Variants in CDK19 observed in about 807,000 individuals in gnomAD.
The protein encoded by CDK19 is cyclin dependent kinase 19, also known as cyclin-dependent kinase 19.
CDK19 carries 20 observed loss-of-function variants against 68.3 expected under a neutral mutation model. The observed-to-expected ratio is 0.29, with a 90% CI of 0.21 to 0.43. The LOEUF is 0.43. Among genes scored for constraint, CDK19 ranks in the 20% least tolerant of loss-of-function variants. CDK19 has a pLI of 1.00. For synonymous variants in CDK19, 221 were observed against 222.8 expected (o/e 0.99, Z 0.07); for missense variants, 339 against 623.5 (o/e 0.54, Z 4.86).
At chr6:110,695,685 T>C (rs1487195156) in intron 2 of CDK19, among the ~76,000 whole-genome samples, 2 of 151,896 alleles carry the variant, frequency 1.3e-5, no homozygotes, top group Non-Finnish European at 2.9e-5. Flanking sequence ...ACCACAGAAA[T>C]ACAAAAGATT....
chr6:110,718,569 T>C (rs973092364), intron 2 of CDK19, among the ~76,000 whole-genome samples: 4 of 151,080 alleles, frequency 2.6e-5, no homozygotes, highest in African/African-American at 7.3e-5. Flanking sequence ...GGCAAGACTA[T>C]TACACTGATG....
intron 2 of CDK19, among the ~76,000 whole-genome samples, chr6:110,697,577 C>T (rs1401167858): frequency 6.6e-6 from 1 of 151,228 alleles, no homozygotes; most frequent in Non-Finnish European, 1.5e-5. Flanking sequence ...TGTAGATGAC[C>T]ATATTGCCAA....
chr6:110,645,758 G>A (rs2114820354), intron 4 of CDK19: 2 of 551,868 alleles, frequency 3.6e-6, no homozygotes, highest in South Asian at 1.7e-5. Flanking sequence ...GTAATGCATG[G>A]ACAATGAGCG....
chr6:110,778,160 T>A (rs1013325315), intron 1 of CDK19, among the ~76,000 whole-genome samples: 1 of 152,076 alleles, frequency 6.6e-6, no homozygotes, highest in Non-Finnish European at 1.5e-5. Context: ...TCACAATTTT[T>A]AAAAAAGTAA....
chr6:110,640,231 C>CAAA (rs59703376), intron 4 of CDK19, among the ~76,000 whole-genome samples: 132 of 80,346 alleles, frequency 1.6e-3, no homozygotes, highest in Non-Finnish European at 2.2e-3. Flanking sequence ...GACCCTGTCA[C>CAAA]AAAAAAAAAA....
rs933981141 is a variant in CDK19 at position 110,809,248 on chromosome 6, C to T, written c.128+5761G>A. Among the ~76,000 whole-genome samples, 6 of 151,250 alleles carry T rather than the reference C, an allele frequency of 4.0e-5. No homozygotes were observed. In the East Asian group the frequency reaches 7.7e-4, roughly 20 times the overall value. ...AAAAGAAATGGGCCAGGCACAGTGACTCATGTCTGTAATCCCAGCACTTTG... is the reference window on the plus strand; with the variant it reads ...AAAAGAAATGGGCCAGGCACAGTGATTCATGTCTGTAATCCCAGCACTTTG... On this transcript the variant is annotated intron_variant, in intron 1 of 12. Transcript: ENST00000368911.
intron 2 of CDK19, among the ~76,000 whole-genome samples, chr6:110,698,237 G>T (rs1773659187): frequency 6.6e-6 from 1 of 151,920 alleles, no homozygotes; most frequent in Non-Finnish European, 1.5e-5. Context: ...CAGAATGGGA[G>T]AAAATATTTG....
At chr6:110,704,255 G>C (rs1230238450) in intron 2 of CDK19, among the ~76,000 whole-genome samples, 2 of 152,164 alleles carry the variant, frequency 1.3e-5, no homozygotes, top group Non-Finnish European at 2.9e-5. Context: ...GAAATCAAAA[G>C]ACTTTATTTT....
intron 2 of CDK19, among the ~76,000 whole-genome samples, chr6:110,722,057 TTTTAGA>T (rs1272697871): frequency 9.2e-5 from 14 of 152,212 alleles, no homozygotes; most frequent in African/African-American, 2.7e-4. Flanking sequence ...TGTAGGATTT[TTTTAGA>T]TTTAAACTAG....
At chr6:110,646,045 C>T in intron 4 of CDK19, 1 of 917,838 alleles carries the variant, frequency 1.1e-6, no homozygotes, top group Non-Finnish European at 1.7e-6. Flanking sequence ...ATCTACGAAG[C>T]TATCCCTTTG....
chr6:110,621,196 A>C lies in CDK19; in HGVS notation c.1285T>G (p.Ser429Ala). Residue 429 changes from serine (S) to alanine (A), a missense_variant, in exon 12 of 13, where the codon TCC (serine) becomes GCC (alanine). By Grantham distance (99) the Ser-to-Ala change is moderately conservative (BLOSUM62 1). Transcript: ENST00000368911. This position sits in a 1 kb window ranked among gnomAD's most constrained non-coding sequence, Gnocchi z 5.4. ...TTTGGAGGCACCTGGTTCAGGCTGGAGTCCTGGCTGTGCTGCAACCCTGCT... is the reference window on the plus strand; with the variant it reads ...TTTGGAGGCACCTGGTTCAGGCTGGCGTCCTGGCTGTGCTGCAACCCTGCT... ...TGAGLQHSQDSSLNQVPPNKK... is the reference protein window; with the variant it reads ...TGAGLQHSQDASLNQVPPNKK... 6.2e-7 allele frequency: 1 copy of C among 1,614,032 alleles called. No homozygotes were observed. The highest frequency in any genetic ancestry group is 8.5e-7 in the Non-Finnish European group (1 of 1,180,018).
intron 5 of CDK19, among the ~76,000 whole-genome samples, chr6:110,633,438 A>C (rs923583895): frequency 1.8e-4 from 27 of 152,218 alleles, no homozygotes; most frequent in African/African-American, 6.5e-4. Context: ...AAAACAGCAA[A>C]TGCTACAAAT....
chr6:110,622,242 C>G, intron 10 of CDK19, 76 bp from the exon 11 acceptor site: 1 of 1,064,690 alleles, frequency 9.4e-7, no homozygotes, highest in Non-Finnish European at 1.4e-6. Flanking sequence ...TTTAAAATTC[C>G]AATTTGTTTT....
intron 4 of CDK19, among the ~76,000 whole-genome samples, chr6:110,664,651 A>G (rs1781810658): frequency 6.6e-6 from 1 of 152,224 alleles, no homozygotes; most frequent in Non-Finnish European, 1.5e-5. Flanking sequence ...GTACAGGGGC[A>G]GTAGTGTACA....
chr6:110,790,082 C>T (rs1265730367), intron 1 of CDK19, among the ~76,000 whole-genome samples: 1 of 152,110 alleles, frequency 6.6e-6, no homozygotes, highest in Non-Finnish European at 1.5e-5. Context: ...GATGCTGAAA[C>T]ATATTATGTG....
At position 110,734,520 on chromosome 6, in the gene CDK19, G is replaced by GCTCTCTCTCTCTCTCCCTCTCTCTCTCT. The variant is rs1777055472; in HGVS notation, c.204+11605_204+11606insAGAGAGAGAGAGGGAGAGAGAGAGAGAG. On this transcript the variant is annotated intron_variant, in intron 2 of 12. Coordinates refer to ENST00000368911, the MANE Select transcript of CDK19 (RefSeq NM_015076.5). ...TGATAAAACTAAGAGGGTGAGCACT[G>GCTCTCTCTCTCTCTCCCTCTCTCTCTCT]CTCTCTCTCTCTCTCTCTCTCTCTC... Among the ~76,000 whole-genome samples the GCTCTCTCTCTCTCTCCCTCTCTCTCTCT allele has an allele frequency of 2.0e-3, 169 of 85,778 alleles. 7 individuals are homozygous for GCTCTCTCTCTCTCTCCCTCTCTCTCTCT. Among genetic ancestry groups the GCTCTCTCTCTCTCTCCCTCTCTCTCTCT allele is most frequent in the Non-Finnish European group, 3.4e-3 (146 of 42,844 alleles). 56.3% of individuals were successfully genotyped at this position (85,778 alleles called of 152,430 possible).
intron 2 of CDK19, among the ~76,000 whole-genome samples, chr6:110,676,434 T>A (rs1425684327): frequency 6.6e-6 from 1 of 152,192 alleles, no homozygotes; most frequent in African/African-American, 2.4e-5. Flanking sequence ...GAGGACTGAC[T>A]CAAATTTTGA....
At chr6:110,698,901 T>A (rs568770236) in intron 2 of CDK19, among the ~76,000 whole-genome samples, 1 of 151,344 alleles carries the variant, frequency 6.6e-6, no homozygotes, top group East Asian at 1.9e-4. Flanking sequence ...TAAAACCCCA[T>A]CTCTACAAAA....
At chr6:110,783,056 C>T (rs1219208362) in intron 1 of CDK19, among the ~76,000 whole-genome samples, 1 of 152,148 alleles carries the variant, frequency 6.6e-6, no homozygotes, top group Non-Finnish European at 1.5e-5. Context: ...CCTACAGTCC[C>T]ACCATTATAC....
Sources: gnomAD v4.1 joint callset for allele counts (sites outside exome capture counted in the v4.1 genomes callset) on GRCh38, gnomAD v4.1.1 for gene constraint, Gnocchi (gnomAD v3.1) non-coding constraint, MANE v1.5 for transcripts, NCBI Gene and HGNC (gene_info 2026-07-23, HGNC 2026-07-21) for gene names.